Variants in FAM135A observed in about 807,000 individuals in gnomAD.
The protein encoded by FAM135A is family with sequence similarity 135 member A, also known as protein FAM135A.
Under a neutral mutation model 146.8 loss-of-function variants are expected in FAM135A, and 79 were observed. The observed-to-expected ratio is 0.54, with a 90% CI of 0.45 to 0.65. The LOEUF (loss-of-function observed/expected upper bound fraction) is 0.65, where lower values mean the gene tolerates loss of function less well. FAM135A is among the 30% of genes least tolerant of loss of function. The pLI, the probability that FAM135A is intolerant of heterozygous loss-of-function variation, is 0.00. For synonymous variants in FAM135A, 562 were observed against 603.6 expected (o/e 0.93, Z 1.01); for missense variants, 1,623 against 1,758.2 (o/e 0.92, Z 1.38).
intron 5 of FAM135A, among the ~76,000 whole-genome samples, chr6:70,474,187 T>C (rs1782157415): frequency 6.6e-6 from 1 of 152,210 alleles, no homozygotes; most frequent in Non-Finnish European, 1.5e-5. Flanking sequence ...CACCAGCTTA[T>C]GTTGACATCC....
chr6:70,473,703 ACCT>A (rs1346379887), intron 5 of FAM135A, among the ~76,000 whole-genome samples: 1 of 152,012 alleles, frequency 6.6e-6, no homozygotes, highest in Non-Finnish European at 1.5e-5. Flanking sequence ...CCTTATGTGG[ACCT>A]CCTCCTTACC....
At chr6:70,518,306 G>A (rs924257275) in intron 12 of FAM135A, among the ~76,000 whole-genome samples, 1 of 152,190 alleles carries the variant, frequency 6.6e-6, no homozygotes, top group Non-Finnish European at 1.5e-5. Context: ...AAGGCTGAAA[G>A]GTAAGGAAGC....
At chr6:70,547,025 A>G (rs965278535) in intron 20 of FAM135A, among the ~76,000 whole-genome samples, 7 of 152,222 alleles carry the variant, frequency 4.6e-5, no homozygotes, top group Non-Finnish European at 7.3e-5. Flanking sequence ...GAGGGCTCAA[A>G]ATAGCCAAAA....
At chr6:70,454,758 T>C (rs1562451698) in intron 5 of FAM135A, among the ~76,000 whole-genome samples, 1 of 152,158 alleles carries the variant, frequency 6.6e-6, no homozygotes. Context: ...TTCTGTTCCA[T>C]TGGTCTATCT....
intron 20 of FAM135A, among the ~76,000 whole-genome samples, chr6:70,546,845 A>T (rs1253863011): frequency 2.6e-5 from 4 of 152,194 alleles, no homozygotes; most frequent in Non-Finnish European, 5.9e-5. Flanking sequence ...GTGGCATACA[A>T]GCATCTCAGC....
At chr6:70,415,414 A>T (rs543225812) in intron 2 of FAM135A, 38 bp downstream of exon 2, 2 of 152,206 alleles carry the variant, frequency 1.3e-5, no homozygotes, top group East Asian at 3.9e-4. Flanking sequence ...TTAAGAAGGG[A>T]AATACCAAGG....
Position 70,502,772 on chromosome 6 carries a change from A to G in FAM135A, c.1010A>G (p.Gln337Arg), listed in dbSNP as rs1364557515. ...GAAGAACTAAGAATATTATTAGCAC[A>G]AGAGCACCATACTTTGAGGGTAAGT... ...LHEELRILLA[Q>R]EHHTLRVRRF... The change falls in exon 12 of 22, where the codon CAA becomes CGA. Residue 337 changes from glutamine to arginine, a missense_variant. Gln to Arg is a conservative substitution (Grantham distance 43). Coordinates refer to ENST00000418814, the MANE Select transcript of FAM135A (RefSeq NM_001162529.3). 8 of 1,611,856 alleles carry G rather than the reference A, an allele frequency of 5.0e-6. No individual in the cohort carries two copies. The highest frequency in any genetic ancestry group is 6.8e-6 in the Non-Finnish European group (8 of 1,178,852).
chr6:70,466,087 G>T (rs953136648), intron 5 of FAM135A, among the ~76,000 whole-genome samples: 27 of 152,194 alleles, frequency 1.8e-4, no homozygotes, highest in African/African-American at 5.8e-4. Flanking sequence ...AAAATGGTTG[G>T]TTTTTTTGTT....
At chr6:70,414,644 C>T (rs1455377011) in intron 1 of FAM135A, among the ~76,000 whole-genome samples, 1 of 152,046 alleles carries the variant, frequency 6.6e-6, no homozygotes, top group African/African-American at 2.4e-5. Context: ...AGCTAGGTAT[C>T]CACTCAATGT....
intron 10 of FAM135A, among the ~76,000 whole-genome samples, chr6:70,490,695 C>T (rs974524790): frequency 6.6e-6 from 1 of 151,994 alleles, no homozygotes; most frequent in African/African-American, 2.4e-5. Flanking sequence ...AAATACTAAA[C>T]TGTACTGGAA....
In FAM135A at chr6:70,502,633, C is replaced by T. The variant is rs1290137004; in HGVS notation, c.874-3C>T. 6.3e-7 allele frequency: 1 copy of T among 1,597,114 alleles called. No individual in the cohort carries two copies. The highest frequency in any genetic ancestry group is 2.2e-5 in the East Asian group (1 of 44,656). On this transcript the variant is annotated splice_polypyrimidine_tract_variant and splice_region_variant and intron_variant, in intron 11 of 21. Transcript: ENST00000418814. ...AGTGAAATTTTTTTTCTTTTCATTT[C>T]AGAAAATAGAGAATCCTGATGAACT...
intron 12 of FAM135A, among the ~76,000 whole-genome samples, chr6:70,508,302 A>G (rs947121402): frequency 2.0e-5 from 3 of 152,178 alleles, no homozygotes; most frequent in Non-Finnish European, 2.9e-5. Flanking sequence ...TTCTGCTCAC[A>G]AGCCTTTCAG....
chr6:70,536,559 T>C (rs759729538), intron 19 of FAM135A, 148 bp downstream of exon 19: 1 of 611,218 alleles, frequency 1.6e-6, no homozygotes, highest in African/African-American at 1.9e-5. Context: ...TGTTTTGTTA[T>C]GCACATGAAA....
At chr6:70,517,671 G>A (rs1230349144) in intron 12 of FAM135A, among the ~76,000 whole-genome samples, 10 of 151,960 alleles carry the variant, frequency 6.6e-5, no homozygotes, top group South Asian at 4.1e-4. Flanking sequence ...CACCTGCCTC[G>A]GCCTCCCATA....
Position 70,524,524 on chromosome 6 carries a change from A to G in FAM135A, c.1440A>G (p.Leu480=), listed in dbSNP as rs1794283606. ...TEGEKQLTKS[L]KGKNEESNKS... is the part of the protein sequence containing the mutation. The stretch of plus-strand genomic sequence containing the variant: ...GTGAAAAGCAGCTAACAAAATCTCT[A>G]AAAGGAAAGAATGAAGAATCAAATA... Residue 480 remains leucine, a synonymous_variant, in exon 15 of 22, where the codon CTA becomes CTG. Coordinates refer to ENST00000418814, the MANE Select transcript of FAM135A (RefSeq NM_001162529.3). 1.5e-5 allele frequency: 24 copies of G among 1,550,996 alleles called. No homozygotes were observed. Among genetic ancestry groups the G allele is most frequent in the Non-Finnish European group, 2.1e-5 (24 of 1,146,716 alleles).
intron 5 of FAM135A, among the ~76,000 whole-genome samples, chr6:70,472,982 C>G (rs904240064): frequency 3.3e-5 from 5 of 152,182 alleles, no homozygotes; most frequent in African/African-American, 1.2e-4. Flanking sequence ...TAACATTACT[C>G]TTTTTCACTT....
chr6:70,487,083 C>G, intron 10 of FAM135A, among the ~76,000 whole-genome samples: 1 of 40,610 alleles, frequency 2.5e-5, no homozygotes, highest in South Asian at 1.5e-3. Context: ...ACTCCCATCT[C>G]AAAAAAAAAA....
chr6:70,484,534 G>T (rs893387415), intron 10 of FAM135A, among the ~76,000 whole-genome samples: 2 of 152,142 alleles, frequency 1.3e-5, no homozygotes, highest in African/African-American at 4.8e-5. Flanking sequence ...CCAGTTTCTT[G>T]GAAGACAATT....
At chr6:70,459,359 A>G (rs1176297849) in intron 5 of FAM135A, among the ~76,000 whole-genome samples, 1 of 152,202 alleles carries the variant, frequency 6.6e-6, no homozygotes, top group Admixed American at 6.6e-5. Context: ...ATAGTATTAT[A>G]CAGCTTATTG....
Sources: allele counts gnomAD v4.1 joint callset (sites outside exome capture counted in the v4.1 genomes callset), GRCh38; gene constraint gnomAD v4.1.1; transcripts MANE v1.5; gene names NCBI Gene and HGNC (gene_info 2026-07-23, HGNC 2026-07-21).